LINGO2: variants seen among roughly 807,000 people sequenced by gnomAD.
LINGO2 encodes the protein leucine rich repeat and Ig domain containing 2, also known as leucine-rich repeat and immunoglobulin-like domain-containing nogo receptor-interacting protein 2.
In LINGO2, 14 loss-of-function variants were observed where a neutral mutation model predicts 30.6. That is an observed-to-expected ratio of 0.46 (90% CI 0.30 to 0.72). The LOEUF (loss-of-function observed/expected upper bound fraction) is 0.72, where lower values mean the gene tolerates loss of function less well. Ranked by LOEUF, LINGO2 falls within the 30% of genes least tolerant of loss-of-function variation. The pLI, the probability that LINGO2 is intolerant of heterozygous loss-of-function variation, is 0.07. For synonymous variants in LINGO2, 317 were observed against 288.5 expected, an observed-to-expected ratio of 1.10 and a Z score of -1.00; for missense variants, 729 against 751.7, an observed-to-expected ratio of 0.97 and a Z score of 0.35.
intron 3 of LINGO2, 68 bp from the exon 6 acceptor site, chr9:28,295,434 C>T (rs1439014779): frequency 2.0e-5 from 3 of 152,526 alleles, no homozygotes; most frequent in Non-Finnish European, 2.9e-5. Flanking sequence ...GTCCAGGAGG[C>T]ATCACAACTT....
At chr9:29,082,540 A>G in the LINGO2 span, among the ~76,000 whole-genome samples, 5 of 152,172 alleles carry the variant, frequency 3.3e-5, no homozygotes, top group South Asian at 2.1e-4. Context: ...TCATTTCTAA[A>G]ACACCAAAAG....
the LINGO2 span, among the ~76,000 whole-genome samples, chr9:28,929,312 G>T: frequency 2.5e-4 from 38 of 152,278 alleles, no homozygotes; most frequent in African/African-American, 8.7e-4. Flanking sequence ...AAATGCTTAG[G>T]ATAATTAAAA....
intron 1 of LINGO2, among the ~76,000 whole-genome samples, chr9:28,615,769 C>G (rs1826107150): frequency 6.6e-6 from 1 of 152,014 alleles, no homozygotes; most frequent in African/African-American, 2.4e-5. Flanking sequence ...ATTCTTGGGA[C>G]AGTTTGGGGG....
At chr9:28,783,495 A>G in the LINGO2 span, among the ~76,000 whole-genome samples, 6 of 152,120 alleles carry the variant, frequency 3.9e-5, no homozygotes, top group African/African-American at 1.4e-4. Flanking sequence ...CTCTGTAGAC[A>G]TGGAATCCAC....
intron 4 of LINGO2, among the ~76,000 whole-genome samples, chr9:28,019,067 C>A (rs1467451733): frequency 1.3e-5 from 2 of 151,960 alleles, no homozygotes; most frequent in Non-Finnish European, 2.9e-5. Flanking sequence ...ACATGGGAGC[C>A]AAACATTGAG....
chr9:28,702,368 T>G, the LINGO2 span, among the ~76,000 whole-genome samples: 1 of 151,900 alleles, frequency 6.6e-6, no homozygotes, highest in African/African-American at 2.4e-5. Context: ...TCTTCCTATA[T>G]CTATTGATAC....
chr9:28,509,588 A>G (rs1820288796), intron 1 of LINGO2, among the ~76,000 whole-genome samples: 1 of 152,232 alleles, frequency 6.6e-6, no homozygotes, highest in Non-Finnish European at 1.5e-5. Flanking sequence ...ATGTGACTAT[A>G]TTGAGAGACA....
chr9:28,054,680 C>A (rs898288392), intron 4 of LINGO2, among the ~76,000 whole-genome samples: 18 of 151,984 alleles, frequency 1.2e-4, no homozygotes, highest in African/African-American at 3.9e-4. Context: ...CAGTTGCCTC[C>A]CCTAATTCAC....
chr9:28,478,218 A>G (rs1825800183), intron 1 of LINGO2, among the ~76,000 whole-genome samples: 1 of 152,148 alleles, frequency 6.6e-6, no homozygotes, highest in African/African-American at 2.4e-5. Context: ...ATATATATTG[A>G]TTTTATTTAT....
intron 5 of LINGO2, among the ~76,000 whole-genome samples, chr9:27,958,091 C>T (rs1425073698): frequency 1.3e-5 from 2 of 152,094 alleles, no homozygotes; most frequent in Non-Finnish European, 2.9e-5. Context: ...GTGGGTTTTT[C>T]ATAGATGACC....
intron 4 of LINGO2, among the ~76,000 whole-genome samples, chr9:28,068,447 C>A (rs1458286925): frequency 6.6e-6 from 1 of 152,076 alleles, no homozygotes; most frequent in Non-Finnish European, 1.5e-5. Context: ...CTCCATCTAA[C>A]CCTAATTACC....
intron 1 of LINGO2, among the ~76,000 whole-genome samples, chr9:28,492,100 C>G (rs972897376): frequency 3.3e-5 from 5 of 152,164 alleles, no homozygotes; most frequent in Non-Finnish European, 1.5e-5. Flanking sequence ...AATTTCATAT[C>G]AGATTTCAAA....
At chr9:28,037,517 G>A (rs970146198) in intron 4 of LINGO2, among the ~76,000 whole-genome samples, 7 of 151,792 alleles carry the variant, frequency 4.6e-5, no homozygotes, top group Admixed American at 1.3e-4. Context: ...TTAATTACTC[G>A]TTCCTTTGCA....
At chr9:28,944,490 C>T in the LINGO2 span, among the ~76,000 whole-genome samples, 4 of 152,156 alleles carry the variant, frequency 2.6e-5, no homozygotes, top group African/African-American at 9.7e-5. Flanking sequence ...ATTGCAACCT[C>T]TGCCTCCCGG....
intron 4 of LINGO2, among the ~76,000 whole-genome samples, chr9:28,104,255 G>GTTTT (rs1453019033): frequency 0.069 from 5,071 of 73,140 alleles, 564 homozygotes; most frequent in East Asian, 0.16. Flanking sequence ...CCCAGTACAA[G>GTTTT]TTTTTTGTTT....
chr9:28,745,083 T>G, the LINGO2 span, among the ~76,000 whole-genome samples: 2 of 152,086 alleles, frequency 1.3e-5, no homozygotes, highest in African/African-American at 4.8e-5. Flanking sequence ...TTGCCCATGT[T>G]CAACCTGGGA....
At chr9:28,021,085 C>A (rs868726755) in intron 4 of LINGO2, among the ~76,000 whole-genome samples, 5 of 151,700 alleles carry the variant, frequency 3.3e-5, no homozygotes, top group African/African-American at 1.2e-4. Flanking sequence ...TTGCTTTAGG[C>A]TTAACTTGCT....
At chr9:28,825,124 A>G in the LINGO2 span, among the ~76,000 whole-genome samples, 11 of 152,098 alleles carry the variant, frequency 7.2e-5, no homozygotes, top group Admixed American at 2.0e-4. Context: ...TGCCTGATTC[A>G]TTGCAAGCAC....
At chr9:28,878,640 A>T in the LINGO2 span, among the ~76,000 whole-genome samples, 1 of 152,214 alleles carries the variant, frequency 6.6e-6, no homozygotes, top group Non-Finnish European at 1.5e-5. Flanking sequence ...CTTATCCACC[A>T]GGATCAAGTG....
Sources: allele counts gnomAD v4.1 joint callset (sites outside exome capture counted in the v4.1 genomes callset), GRCh38; gene constraint gnomAD v4.1.1; transcripts MANE v1.5; gene names NCBI Gene and HGNC (gene_info 2026-07-23, HGNC 2026-07-21).